PARD3B: variants seen among roughly 807,000 people sequenced by gnomAD.
The protein encoded by PARD3B is par-3 family cell polarity regulator beta, also known as partitioning defective 3 homolog B.
A neutral mutation model predicts 130.2 loss-of-function variants in PARD3B; 103 were observed. The observed-to-expected ratio is 0.79, with a 90% confidence interval of 0.67 to 0.93. The LOEUF is 0.93. PARD3B is among the 40% of genes least tolerant of loss of function. The pLI, the probability that PARD3B is intolerant of heterozygous loss-of-function variation, is 0.00. For synonymous variants in PARD3B, 583 were observed against 553.2 expected, an observed-to-expected ratio of 1.05 and a Z score of -0.76; for missense variants, 1,609 against 1,499.2, an observed-to-expected ratio of 1.07 and a Z score of -1.21.
Position 205,490,628 on chromosome 2 carries a change from G to C in PARD3B, c.3045-9268G>C, listed in dbSNP as rs377686401. On this transcript the variant is annotated intron_variant, in intron 20 of 22. Coordinates refer to ENST00000406610, the MANE Select transcript of PARD3B (RefSeq NM_001302769.2). ...TTATAATCCTTCAGGTATATACCCA[G>C]TAATGGGATGGCTGGGTCAAATGGT... 3.9e-4 allele frequency among the ~76,000 whole-genome samples: 59 copies of C among 152,292 alleles called. No individual in the cohort carries two copies. The South Asian group carries it at 5.6e-3, about 14-fold the overall frequency.
chr2:205,311,146 G>A (rs966722545), intron 18 of PARD3B, among the ~76,000 whole-genome samples: 5 of 152,072 alleles, frequency 3.3e-5, no homozygotes, highest in African/African-American at 7.2e-5. Flanking sequence ...ATGAGAGTGC[G>A]GATATCTTCT....
chr2:204,665,346 C>T (rs2035977714), intron 1 of PARD3B, among the ~76,000 whole-genome samples: 1 of 152,110 alleles, frequency 6.6e-6, no homozygotes, highest in African/African-American at 2.4e-5. Context: ...TAGAAGGGCT[C>T]TGCCAGAGGA....
chr2:204,946,335 C>G (rs557748199), intron 2 of PARD3B, among the ~76,000 whole-genome samples: 1 of 152,210 alleles, frequency 6.6e-6, no homozygotes, highest in Non-Finnish European at 1.5e-5. Flanking sequence ...TTAATCCTTC[C>G]TCATTTATTG....
chr2:204,973,064 C>G (rs1691842893), intron 3 of PARD3B, among the ~76,000 whole-genome samples: 1 of 152,160 alleles, frequency 6.6e-6, no homozygotes, highest in Non-Finnish European at 1.5e-5. Context: ...CCTCTGGCCT[C>G]TTCCCCATGC....
chr2:204,615,260 T>C (rs1447561081), intron 1 of PARD3B, among the ~76,000 whole-genome samples: 1 of 152,164 alleles, frequency 6.6e-6, no homozygotes, highest in Admixed American at 6.6e-5. Context: ...CAATTGGTGG[T>C]TTCTTAAAGG....
At chr2:205,394,045 C>G (rs2045944480) in intron 18 of PARD3B, among the ~76,000 whole-genome samples, 1 of 151,978 alleles carries the variant, frequency 6.6e-6, no homozygotes, top group Non-Finnish European at 1.5e-5. Flanking sequence ...AGATATTTAC[C>G]TGACAATTTA....
At chr2:204,934,758 G>A (rs1369849477) in intron 2 of PARD3B, among the ~76,000 whole-genome samples, 1 of 152,072 alleles carries the variant, frequency 6.6e-6, no homozygotes. Context: ...AAAAAGGCAG[G>A]GTTTAGAAAC....
chr2:204,706,006 A>G (rs1038749862), intron 2 of PARD3B, among the ~76,000 whole-genome samples: 17 of 152,342 alleles, frequency 1.1e-4, no homozygotes, highest in Admixed American at 2.0e-4. Flanking sequence ...TGAGTGAATG[A>G]AGACAGAAGA....
At chr2:205,543,145 G>A (rs917184612) in intron 21 of PARD3B, among the ~76,000 whole-genome samples, 2 of 152,050 alleles carry the variant, frequency 1.3e-5, no homozygotes, top group Non-Finnish European at 2.9e-5. Flanking sequence ...GAATGCAATG[G>A]TGCCAAAAGG....
chr2:205,478,605 G>A (rs1053787633), intron 20 of PARD3B, among the ~76,000 whole-genome samples: 1 of 152,012 alleles, frequency 6.6e-6, no homozygotes, highest in Non-Finnish European at 1.5e-5. Context: ...TCCTGCTCAA[G>A]ATTTCAGCTA....
rs1019715460 is a variant in PARD3B, at chr2:204,943,733, T to C, written c.223-21419T>C. 6.6e-6 allele frequency among the ~76,000 whole-genome samples: 1 copy of C among 152,146 alleles called. No individual in the cohort carries two copies. Among genetic ancestry groups the C allele is most frequent in the Non-Finnish European group, 1.5e-5 (1 of 68,018 alleles). The stretch of plus-strand genomic sequence containing the variant: ...TTTTGGCAAGCAGAGGACAAATCCA[T>C]CCTCTCTTCCTTGAGGGAAAGTTCG... On this transcript the variant is annotated intron_variant, in intron 2 of 22. Coordinates refer to ENST00000406610, the MANE Select transcript of PARD3B (RefSeq NM_001302769.2). The surrounding 1 kb of genome is among the most constrained non-coding windows in gnomAD (Gnocchi z 4.2).
At chr2:204,594,269 A>G (rs1574515286) in intron 1 of PARD3B, among the ~76,000 whole-genome samples, 1 of 152,164 alleles carries the variant, frequency 6.6e-6, no homozygotes, top group Admixed American at 6.5e-5. Context: ...AGTAAATATA[A>G]CATCTATCTA....
rs74591534 is a variant in PARD3B at position 204,914,622 on chromosome 2, C to G, written c.223-50530C>G. Among the ~76,000 whole-genome samples, 38 of 152,190 alleles carry G rather than the reference C, an allele frequency of 2.5e-4. No individual in the cohort carries two copies. The East Asian group carries it at 6.9e-3, about 28-fold the overall frequency. ...AGTGATGTATCATGTAGGAATTGTT[C>G]GAAAACCAGTAAGAAACCTCCTGTG... On this transcript the variant is annotated intron_variant, in intron 2 of 22. Transcript: ENST00000406610.
chr2:205,513,566 C>G (rs906604945), intron 21 of PARD3B, among the ~76,000 whole-genome samples: 2 of 152,132 alleles, frequency 1.3e-5, no homozygotes, highest in East Asian at 1.9e-4. Context: ...TGTTAATATC[C>G]TATCATCAAT....
At chr2:204,747,288 A>G (rs2040275124) in intron 2 of PARD3B, among the ~76,000 whole-genome samples, 1 of 152,134 alleles carries the variant, frequency 6.6e-6, no homozygotes, top group Admixed American at 6.6e-5. Context: ...AGATGGTTGT[A>G]GATGTGTGGT....
intron 3 of PARD3B, among the ~76,000 whole-genome samples, chr2:205,045,678 C>T (rs888146562): frequency 6.6e-6 from 1 of 151,840 alleles, no homozygotes; most frequent in African/African-American, 2.4e-5. Flanking sequence ...CCTACTGTGG[C>T]TTTTTTAAAG....
intron 18 of PARD3B, among the ~76,000 whole-genome samples, chr2:205,357,978 G>C (rs549238338): frequency 1.3e-5 from 2 of 152,180 alleles, no homozygotes; most frequent in Non-Finnish European, 2.9e-5. Flanking sequence ...GAATCACCTG[G>C]TGAACTGTTG....
intron 2 of PARD3B, among the ~76,000 whole-genome samples, chr2:204,715,484 C>CTTTT (rs77864369): frequency 7.4e-6 from 1 of 135,532 alleles, no homozygotes; most frequent in African/African-American, 2.7e-5. Context: ...TGCTGTTTTT[C>CTTTT]TTTTTTTTTT....
Position 205,021,345 on chromosome 2 carries a change from A to G in PARD3B, c.395-26236A>G, listed in dbSNP as rs1696581747. On this transcript the variant is annotated intron_variant, in intron 3 of 22. Transcript: ENST00000406610. The surrounding 1 kb of genome is among the most constrained non-coding windows in gnomAD (Gnocchi z 4.5). ...AATTTAGACATTGTTTTGGAATGAT[A>G]AAGTTTATTGTACATGGTAAGGAAA... Among the ~76,000 whole-genome samples the G allele has an allele frequency of 6.6e-6, 1 of 152,268 alleles. No individual in the cohort carries two copies. The highest frequency in any genetic ancestry group is 2.1e-4 in the South Asian group (1 of 4,820).
Sources: gnomAD v4.1 joint callset for allele counts (sites outside exome capture counted in the v4.1 genomes callset) on GRCh38, gnomAD v4.1.1 for gene constraint, Gnocchi (gnomAD v3.1) non-coding constraint, MANE v1.5 for transcripts, NCBI Gene and HGNC (gene_info 2026-07-23, HGNC 2026-07-21) for gene names.